The following GPC5 variants were observed in gnomAD, a reference collection of about 807,000 sequenced individuals.
GPC5 encodes glypican-5.
GPC5 carries 47 observed loss-of-function variants against 53.9 expected under a neutral mutation model. The ratio of observed to expected loss-of-function variants is 0.87; its 90% CI spans 0.69 to 1.11. The LOEUF (loss-of-function observed/expected upper bound fraction) is 1.11, where lower values mean the gene tolerates loss of function less well. GPC5 is among the 50% of genes most tolerant of loss of function. GPC5 has a pLI of 0.00. For synonymous variants in GPC5, 286 were observed against 263.3 expected (o/e 1.09, Z -0.84); for missense variants, 748 against 713.1 (o/e 1.05, Z -0.56).
rs189556860 is a variant in GPC5, at chr13:92,423,051, T to C, written c.1561+278062T>C. On this transcript the variant is annotated intron_variant, in intron 7 of 7. Transcript: ENST00000377067. ...AAGATCAAGGTGCCAGTACATTGAG[T>C]GTAGAGTGAGGTCCCGCTTCCTGGT... Among the ~76,000 whole-genome samples the C allele has an allele frequency of 2.4e-3, 367 of 152,272 alleles. 4 individuals are homozygous for C. Among genetic ancestry groups the C allele is most frequent in the Non-Finnish European group, 4.3e-3 (290 of 68,022 alleles).
intron 6 of GPC5, among the ~76,000 whole-genome samples, chr13:91,957,126 TATC>T (rs2040080473): frequency 6.6e-6 from 1 of 152,038 alleles, no homozygotes; most frequent in African/African-American, 2.4e-5. Flanking sequence ...AAGAGGTACA[TATC>T]ATAGTAAAAA....
intron 7 of GPC5, among the ~76,000 whole-genome samples, chr13:92,590,272 C>T (rs1186016689): frequency 6.6e-6 from 1 of 151,752 alleles, no homozygotes; most frequent in Non-Finnish European, 1.5e-5. Flanking sequence ...CACTTAAGAA[C>T]AAAGGAGGAC....
intron 7 of GPC5, among the ~76,000 whole-genome samples, chr13:92,766,279 A>C (rs1305118822): frequency 6.6e-6 from 1 of 151,988 alleles, no homozygotes; most frequent in Non-Finnish European, 1.5e-5. Flanking sequence ...CTTAACCTAA[A>C]CCCATCCACC....
chr13:92,641,923 C>T (rs1885607301), intron 7 of GPC5, among the ~76,000 whole-genome samples: 1 of 152,060 alleles, frequency 6.6e-6, no homozygotes, highest in South Asian at 2.1e-4. Context: ...TGCCATGACT[C>T]CTGATCAATC....
chr13:91,425,259 C>T (rs2139000702), intron 1 of GPC5, among the ~76,000 whole-genome samples: 1 of 152,254 alleles, frequency 6.6e-6, no homozygotes, highest in Admixed American at 6.5e-5. Flanking sequence ...TTTTGAATTT[C>T]AGTCTTTAGG....
At chr13:91,757,727 T>C (rs1176989439) in intron 5 of GPC5, among the ~76,000 whole-genome samples, 1 of 152,112 alleles carries the variant, frequency 6.6e-6, no homozygotes, top group Non-Finnish European at 1.5e-5. Flanking sequence ...CCTTTATAAA[T>C]CACCCAGTCT....
chr13:92,861,199 G>C (rs1879170023), intron 7 of GPC5, among the ~76,000 whole-genome samples: 1 of 151,880 alleles, frequency 6.6e-6, no homozygotes, highest in East Asian at 1.9e-4. Context: ...CTACCAATTG[G>C]CACTTAATTT....
At chr13:91,996,978 A>T (rs2040509504) in intron 6 of GPC5, among the ~76,000 whole-genome samples, 1 of 152,020 alleles carries the variant, frequency 6.6e-6, no homozygotes, top group Non-Finnish European at 1.5e-5. Context: ...ACATTATTGT[A>T]AGTATCTTAA....
chr13:91,597,530 G>T (rs1253663325), intron 2 of GPC5, among the ~76,000 whole-genome samples: 1 of 152,080 alleles, frequency 6.6e-6, no homozygotes, highest in Non-Finnish European at 1.5e-5. Context: ...TCCCATAGTT[G>T]TTTATTTGGT....
At chr13:91,474,123 A>C (rs1882790712) in intron 2 of GPC5, among the ~76,000 whole-genome samples, 1 of 152,184 alleles carries the variant, frequency 6.6e-6, no homozygotes, top group South Asian at 2.1e-4. Flanking sequence ...ATTCAGTAAA[A>C]ATAAATTAGA....
At chr13:92,324,635 A>G (rs2043238093) in intron 7 of GPC5, among the ~76,000 whole-genome samples, 1 of 130,950 alleles carries the variant, frequency 7.6e-6, no homozygotes, top group Middle Eastern at 3.8e-3. Flanking sequence ...ACTACATATC[A>G]TTATGTAGTA....
chr13:91,438,275 T>C (rs1472244993), intron 1 of GPC5, among the ~76,000 whole-genome samples: 1 of 152,212 alleles, frequency 6.6e-6, no homozygotes, highest in Non-Finnish European at 1.5e-5. Context: ...CTCTGTTTTT[T>C]CCCCATCTTT....
At position 92,797,547 on chromosome 13, in the gene GPC5, A is replaced by G. The variant is rs529664829; in HGVS notation, c.1562-68735A>G. 2.6e-5 allele frequency among the ~76,000 whole-genome samples: 4 copies of G among 152,044 alleles called. No individual in the cohort carries two copies. The South Asian group carries it at 8.3e-4, about 31-fold the overall frequency. On this transcript the variant is annotated intron_variant, in intron 7 of 7. Coordinates refer to ENST00000377067, the MANE Select transcript of GPC5 (RefSeq NM_004466.6). ...AAAGAAAACAGGTTTGGAGATCAGA[A>G]AAACCTCACCTTAAATTATGTTCTG...
intron 7 of GPC5, among the ~76,000 whole-genome samples, chr13:92,165,288 C>G (rs546444129): frequency 1.3e-5 from 2 of 152,232 alleles, no homozygotes; most frequent in East Asian, 3.9e-4. Flanking sequence ...AAAATAAGTT[C>G]CAATTCCAAA....
intron 2 of GPC5, among the ~76,000 whole-genome samples, chr13:91,550,573 G>A (rs956375582): frequency 6.6e-6 from 1 of 152,122 alleles, no homozygotes; most frequent in African/African-American, 2.4e-5. Context: ...AATTGTTGAT[G>A]TTCTTGTGGA....
At chr13:91,920,321 G>T (rs907146602) in intron 6 of GPC5, among the ~76,000 whole-genome samples, 3 of 151,916 alleles carry the variant, frequency 2.0e-5, no homozygotes, top group Non-Finnish European at 2.9e-5. Context: ...TAGAAGCATT[G>T]GAAGGTAAAA....
At chr13:92,813,614 A>G (rs948892726) in intron 7 of GPC5, among the ~76,000 whole-genome samples, 4 of 152,060 alleles carry the variant, frequency 2.6e-5, no homozygotes, top group African/African-American at 9.7e-5. Context: ...GGAATATGAA[A>G]GATGCAAAGA....
intron 7 of GPC5, among the ~76,000 whole-genome samples, chr13:92,473,619 A>G (rs1002985465): frequency 7.9e-5 from 12 of 152,174 alleles, no homozygotes; most frequent in African/African-American, 2.9e-4. Flanking sequence ...TTCAAACAGT[A>G]TCTTAAAATG....
At chr13:92,311,035 A>G (rs1359776252) in intron 7 of GPC5, among the ~76,000 whole-genome samples, 1 of 152,190 alleles carries the variant, frequency 6.6e-6, no homozygotes, top group East Asian at 1.9e-4. Context: ...CTGAAATTGA[A>G]AATAGAGAGA....
Sources: allele counts gnomAD v4.1 joint callset (sites outside exome capture counted in the v4.1 genomes callset), GRCh38; gene constraint gnomAD v4.1.1; transcripts MANE v1.5; gene names NCBI Gene and HGNC (gene_info 2026-07-23, HGNC 2026-07-21).